Variants in OSBPL8 observed in about 807,000 individuals in gnomAD.
OSBPL8 encodes oxysterol binding protein like 8, also known as oxysterol-binding protein-related protein 8.
Under a neutral mutation model 125.5 loss-of-function variants are expected in OSBPL8, and 59 were observed. The ratio of observed to expected loss-of-function variants is 0.47; its 90% CI spans 0.38 to 0.58. The LOEUF is 0.58. OSBPL8 is among the 20% of genes least tolerant of loss of function. OSBPL8 has a pLI of 0.00. For synonymous variants in OSBPL8, 330 were observed against 338.9 expected, an observed-to-expected ratio of 0.97 and a Z score of 0.29; for missense variants, 758 against 1,047.8, an observed-to-expected ratio of 0.72 and a Z score of 3.82.
chr12:76,373,298 C>A, intron 18 of OSBPL8, 46 bp downstream of exon 18: 1 of 1,246,820 alleles, frequency 8.0e-7, no homozygotes, highest in South Asian at 1.4e-5. Flanking sequence ...TTTTTTTTCC[C>A]ACAGAATAAA....
intron 17 of OSBPL8, among the ~76,000 whole-genome samples, chr12:76,373,861 A>G (rs1359185656): frequency 6.6e-6 from 1 of 152,166 alleles, no homozygotes. Flanking sequence ...AAACAAAAGT[A>G]AAATATATAG....
At chr12:76,438,722 T>C (rs753546098) in intron 4 of OSBPL8, among the ~76,000 whole-genome samples, 3 of 152,168 alleles carry the variant, frequency 2.0e-5, no homozygotes, top group Non-Finnish European at 4.4e-5. Context: ...TTTTCTTTAT[T>C]AGTAGGATGA....
intron 1 of OSBPL8, among the ~76,000 whole-genome samples, chr12:76,523,127 C>G (rs1950070178): frequency 6.6e-6 from 1 of 152,170 alleles, no homozygotes; most frequent in Non-Finnish European, 1.5e-5. Context: ...CATGAGCCAC[C>G]ATGCCCAGCC....
At position 76,397,770 on chromosome 12, in the gene OSBPL8, A is replaced by G; in HGVS notation, c.596T>C (p.Ile199Thr). Residue 199 changes from isoleucine (I) to threonine (T), a missense_variant, in exon 8 of 24, where the codon ATT becomes ACT. By Grantham distance (89) the Ile-to-Thr change is moderately conservative (BLOSUM62 -1). Coordinates refer to ENST00000261183, the MANE Select transcript of OSBPL8 (RefSeq NM_020841.5). Reference protein sequence around the residue: ...GTVLLNACEIIERPSKKDGFC... With the variant: ...GTVLLNACEITERPSKKDGFC... ...GCCATCCTTTTTTGATGGACGTTCA[A>G]TGATTTCACAGGCATTCAGAAGAAC... 1 of 1,614,142 alleles carries G rather than the reference A, an allele frequency of 6.2e-7. No individual in the cohort carries two copies. The highest frequency in any genetic ancestry group is 1.1e-5 in the South Asian group (1 of 91,084).
intron 4 of OSBPL8, among the ~76,000 whole-genome samples, chr12:76,442,095 TA>T (rs142977423): frequency 1.3e-5 from 2 of 152,078 alleles, no homozygotes; most frequent in Admixed American, 6.6e-5. Context: ...TTAAAAATTA[TA>T]AAAAAAATTC....
At chr12:76,544,796 C>A (rs1210219188) in intron 1 of OSBPL8, among the ~76,000 whole-genome samples, 3 of 151,900 alleles carry the variant, frequency 2.0e-5, no homozygotes, top group African/African-American at 7.3e-5. Context: ...TCACTTAGCT[C>A]CTTAGCAGCA....
At chr12:76,435,939 C>T (rs1871390246) in intron 4 of OSBPL8, among the ~76,000 whole-genome samples, 3 of 152,072 alleles carry the variant, frequency 2.0e-5, no homozygotes. Flanking sequence ...TCTTTCCAGG[C>T]ACTATTTCTT....
chr12:76,457,716 T>C (rs1430266292), intron 3 of OSBPL8, among the ~76,000 whole-genome samples: 5 of 152,162 alleles, frequency 3.3e-5, no homozygotes, highest in Non-Finnish European at 7.3e-5. Context: ...TATTTTTATT[T>C]ATATATATGC....
intron 2 of OSBPL8, 72 bp from the exon 3 acceptor site, chr12:76,459,967 G>A (rs893975911): frequency 1.5e-5 from 22 of 1,446,112 alleles, no homozygotes; most frequent in Admixed American, 5.0e-5. Flanking sequence ...GCATCAGGAC[G>A]GAAACAGCAG....
At chr12:76,447,605 G>A (rs530093596) in intron 4 of OSBPL8, among the ~76,000 whole-genome samples, 13 of 151,916 alleles carry the variant, frequency 8.6e-5, no homozygotes, top group South Asian at 4.2e-4. Context: ...GTGCAATGGC[G>A]CGATCTCGGC....
At chr12:76,464,603 G>A (rs1300710127) in intron 2 of OSBPL8, among the ~76,000 whole-genome samples, 2 of 152,146 alleles carry the variant, frequency 1.3e-5, no homozygotes, top group Admixed American at 6.5e-5. Flanking sequence ...AATCTTGAGG[G>A]TATATAAACA....
In OSBPL8 at chr12:76,422,801, CA is replaced by C. The variant is rs571252086; in HGVS notation, c.218-12168del. 197 of 283,706 alleles carry C rather than the reference CA, an allele frequency of 6.9e-4. 3 individuals carry two copies. Among genetic ancestry groups the C allele is most frequent in the South Asian group, 6.5e-3 (186 of 28,478 alleles). The allele number at this position is 283,706 out of a possible 1,614,324, so 17.6% of individuals were successfully genotyped here. ...ACATTTAACAGCAAAGGAGAAGGAC[CA>C]AAGACTGTCAAATCAGCAATAAACA... On this transcript the variant is annotated intron_variant, in intron 4 of 23. Coordinates refer to ENST00000261183, the MANE Select transcript of OSBPL8 (RefSeq NM_020841.5).
intron 3 of OSBPL8, among the ~76,000 whole-genome samples, chr12:76,453,085 A>G (rs537782644): frequency 6.6e-6 from 1 of 151,902 alleles, no homozygotes; most frequent in African/African-American, 2.4e-5. Context: ...TGTAGCTCCT[A>G]TCATTATCTG....
At chr12:76,472,294 T>A (rs768839100) in intron 2 of OSBPL8, among the ~76,000 whole-genome samples, 14 of 152,192 alleles carry the variant, frequency 9.2e-5, no homozygotes, top group Non-Finnish European at 1.6e-4. Flanking sequence ...AAACCACACA[T>A]CCAATCAATC....
intron 1 of OSBPL8, among the ~76,000 whole-genome samples, chr12:76,527,797 T>A (rs1173885569): frequency 6.6e-6 from 1 of 152,202 alleles, no homozygotes; most frequent in East Asian, 1.9e-4. Flanking sequence ...CAAGAATGCC[T>A]GCCTTTTCTT....
At chr12:76,544,471 T>G (rs1372407485) in intron 1 of OSBPL8, among the ~76,000 whole-genome samples, 2 of 152,202 alleles carry the variant, frequency 1.3e-5, no homozygotes, top group Admixed American at 6.5e-5. Context: ...AGTGATATTA[T>G]TGAAATAAGG....
chr12:76,524,977 C>T (rs571519356), intron 1 of OSBPL8, among the ~76,000 whole-genome samples: 1 of 152,256 alleles, frequency 6.6e-6, no homozygotes, highest in East Asian at 1.9e-4. Context: ...AGCCACTGCG[C>T]CCAGCCATAA....
intron 9 of OSBPL8, among the ~76,000 whole-genome samples, chr12:76,394,195 T>C (rs1381485849): frequency 1.3e-5 from 2 of 152,096 alleles, no homozygotes; most frequent in Non-Finnish European, 2.9e-5. Flanking sequence ...TAAGTTTTTC[T>C]CTCTCCATAT....
intron 4 of OSBPL8, among the ~76,000 whole-genome samples, chr12:76,424,143 G>A (rs1349059887): frequency 1.3e-5 from 2 of 152,096 alleles, no homozygotes; most frequent in Admixed American, 6.6e-5. Flanking sequence ...TGGAACTACA[G>A]GCACCTGCCA....
Sources: allele counts gnomAD v4.1 joint callset (sites outside exome capture counted in the v4.1 genomes callset), GRCh38; gene constraint gnomAD v4.1.1; transcripts MANE v1.5; gene names NCBI Gene and HGNC (gene_info 2026-07-23, HGNC 2026-07-21).